The following KLC1 variants were observed in gnomAD, a reference collection of about 807,000 sequenced individuals.
KLC1 encodes kinesin light chain 1.
A neutral mutation model predicts 84.2 loss-of-function variants in KLC1; 30 were observed. The observed-to-expected ratio is 0.36, with a 90% confidence interval of 0.27 to 0.48. KLC1 has a LOEUF of 0.48. Ranked by LOEUF, KLC1 falls within the 20% of genes least tolerant of loss-of-function variation. KLC1 has a pLI of 0.99. For synonymous variants in KLC1, 289 were observed against 293.3 expected, an observed-to-expected ratio of 0.99 and a Z score of 0.15; for missense variants, 499 against 805.4, an observed-to-expected ratio of 0.62 and a Z score of 4.60.
At chr14:103,632,091 C>T (rs114004996) in intron 1 of KLC1, among the ~76,000 whole-genome samples, 2,470 of 152,210 alleles carry the variant, frequency 0.016, 64 homozygotes, top group African/African-American at 0.056. Context: ...GTCAGCGATA[C>T]CTTGATAAAA....
rs1242123824 is a variant in KLC1, at chr14:103,685,933, A to G, written c.1651-1148A>G. The G allele has an allele frequency of 3.2e-5, 36 of 1,117,904 alleles. No homozygotes were observed. In the East Asian group the frequency reaches 2.6e-3, roughly 80 times the overall value. 69.2% of individuals were successfully genotyped at this position (1,117,904 alleles called of 1,614,324 possible). On this transcript the variant is annotated intron_variant, in intron 13 of 16. Transcript: ENST00000334553. ...AAAAATTAAGAGCGATTAGCTGTTC[A>G]CTTTGGTAACAGGTAGTTAAGTGTC...
chr14:103,673,494 T>C (rs921552337), intron 9 of KLC1, 63 bp downstream of exon 9: 4 of 992,894 alleles, frequency 4.0e-6, no homozygotes, highest in African/African-American at 3.3e-5. Context: ...AATAGTAATA[T>C]ACTAATAGTA....
chr14:103,654,955 T>G, intron 2 of KLC1, 130 bp downstream of exon 2: 1 of 1,061,026 alleles, frequency 9.4e-7, no homozygotes. Context: ...CCGAGTGCGG[T>G]GTGGCTCAGG....
chr14:103,675,901 C>A (rs558657967), intron 11 of KLC1, 145 bp downstream of exon 11: 52 of 643,614 alleles, frequency 8.1e-5, no homozygotes, highest in Middle Eastern at 3.0e-4. Flanking sequence ...ATTAAAAAAA[C>A]CCCACTAACC....
At chr14:103,666,355 G>A (rs777445753) in intron 5 of KLC1, among the ~76,000 whole-genome samples, 6 of 151,622 alleles carry the variant, frequency 4.0e-5, no homozygotes, top group Admixed American at 2.6e-4. Context: ...GAGCCACCGT[G>A]CCCGGCCCTT....
intron 1 of KLC1, among the ~76,000 whole-genome samples, chr14:103,636,603 T>C (rs2077060466): frequency 6.6e-6 from 1 of 152,140 alleles, no homozygotes; most frequent in African/African-American, 2.4e-5. Context: ...TGATGACTCA[T>C]AATGGTGAGC....
At position 103,691,155 on chromosome 14, in the gene KLC1, C is replaced by CTTTTT. The variant is rs11384297; in HGVS notation, c.1782-1189_1782-1185dup. On this transcript the variant is annotated intron_variant, in intron 14 of 16. Coordinates refer to ENST00000334553, the MANE Select transcript of KLC1 (RefSeq NM_001394837.1). ...CTCTGCTCCCAGATGGTTCCCCCCA[C>CTTTTT]TTTTTTTTTTTTTTTTTTTCTGAGA... 7.0e-5 allele frequency among the ~76,000 whole-genome samples: 9 copies of CTTTTT among 129,454 alleles called. 1 individual carries two copies. Among genetic ancestry groups the CTTTTT allele is most frequent in the Admixed American group, 8.0e-5 (1 of 12,514 alleles). 84.9% of individuals were successfully genotyped at this position (129,454 alleles called of 152,430 possible). A position where few individuals can be genotyped will look rare whatever the true frequency, so the allele number is the denominator to read the frequency against.
intron 1 of KLC1, 95 bp downstream of exon 1, chr14:103,629,589 T>G (rs977804692): frequency 1.3e-5 from 2 of 151,666 alleles, no homozygotes; most frequent in African/African-American, 4.9e-5. Context: ...CGGCCGTAAC[T>G]CTGTCCCCAT....
chr14:103,675,633 T>C, intron 10 of KLC1, 32 bp downstream of exon 10: 2 of 1,602,316 alleles, frequency 1.2e-6, no homozygotes, highest in Non-Finnish European at 8.5e-7. Context: ...ATTTTCTAAA[T>C]TGTATATACT....
chr14:103,637,805 C>T (rs1224089248), intron 1 of KLC1, among the ~76,000 whole-genome samples: 3 of 152,036 alleles, frequency 2.0e-5, no homozygotes, highest in African/African-American at 4.8e-5. Context: ...TTCAAGTGAT[C>T]GTCCCACCTC....
At position 103,701,247 on chromosome 14, in the gene KLC1, C is replaced by A; in HGVS notation, c.*48C>A. 6.5e-7 allele frequency: 1 copy of A among 1,545,470 alleles called. No individual in the cohort carries two copies. Among genetic ancestry groups the A allele is most frequent in the Non-Finnish European group, 8.7e-7 (1 of 1,143,254 alleles). Reference sequence around the variant, plus strand: ...CCAGGATGGGACTGCCGAGTGTGGCCCGGAGCTGGCCCGGGACAGCCAGGG... The same window carrying A: ...CCAGGATGGGACTGCCGAGTGTGGCACGGAGCTGGCCCGGGACAGCCAGGG... On this transcript the variant is annotated 3_prime_UTR_variant, in exon 17 of 17. Transcript: ENST00000334553.
Position 103,657,621 on chromosome 14 carries a change from C to A in KLC1, c.337C>A (p.Leu113Met). 1 of 1,614,194 alleles carries A rather than the reference C, an allele frequency of 6.2e-7. No individual in the cohort carries two copies. The highest frequency in any genetic ancestry group is 8.5e-7 in the Non-Finnish European group (1 of 1,180,032). ...GAAACTGCGTGCGCAGGTTCGTCGT[C>A]TGTGCCAGGAGAATCAGTGGCTACG... is the stretch of plus-strand genomic sequence containing the variant. ...KQKLRAQVRR[L>M]CQENQWLRDE... The change falls in exon 3 of 17, where the codon CTG becomes ATG. Residue 113 changes from leucine to methionine, a missense_variant. Transcript: ENST00000334553.
intron 1 of KLC1, among the ~76,000 whole-genome samples, chr14:103,633,722 A>C (rs537344202): frequency 6.6e-6 from 1 of 152,086 alleles, no homozygotes; most frequent in African/African-American, 2.4e-5. Context: ...CTACTCAAGC[A>C]CTTCCAGGTG....
At chr14:103,651,622 A>G (rs1259722558) in intron 1 of KLC1, among the ~76,000 whole-genome samples, 1 of 152,082 alleles carries the variant, frequency 6.6e-6, no homozygotes, top group Non-Finnish European at 1.5e-5. Context: ...CTTAACATCT[A>G]TACCATGGTC....
chr14:103,655,664 A>G (rs1196821231), intron 2 of KLC1, among the ~76,000 whole-genome samples: 1 of 151,468 alleles, frequency 6.6e-6, no homozygotes, highest in Non-Finnish European at 1.5e-5. Context: ...GCTGGAGTGC[A>G]ATGGCTCAAT....
At chr14:103,650,110 CTTTT>C (rs534960975) in intron 1 of KLC1, among the ~76,000 whole-genome samples, 1 of 145,154 alleles carries the variant, frequency 6.9e-6, no homozygotes, top group Non-Finnish European at 1.5e-5. Flanking sequence ...TTAAATAGGA[CTTTT>C]TTTTTTTAAG....
chr14:103,641,068 G>A (rs2077452702), intron 1 of KLC1, among the ~76,000 whole-genome samples: 1 of 152,054 alleles, frequency 6.6e-6, no homozygotes, highest in South Asian at 2.1e-4. Flanking sequence ...GGAATTACAG[G>A]CATGCGCTAC....
At chr14:103,634,098 A>T (rs917932122) in intron 1 of KLC1, among the ~76,000 whole-genome samples, 2 of 151,978 alleles carry the variant, frequency 1.3e-5, no homozygotes, top group Admixed American at 1.3e-4. Flanking sequence ...CGAACTCTTG[A>T]CCTTAAGTGA....
chr14:103,690,160 G>A (rs1257569878), intron 14 of KLC1, among the ~76,000 whole-genome samples: 30 of 151,364 alleles, frequency 2.0e-4, no homozygotes, highest in Admixed American at 1.9e-3. Flanking sequence ...CAGCCTGGGC[G>A]ATGGAGTGAA....
Sources: gnomAD v4.1 joint callset for allele counts (sites outside exome capture counted in the v4.1 genomes callset) on GRCh38, gnomAD v4.1.1 for gene constraint, MANE v1.5 for transcripts, NCBI Gene and HGNC (gene_info 2026-07-23, HGNC 2026-07-21) for gene names.